The following TSHZ3 variants were observed in gnomAD, a reference collection of about 807,000 sequenced individuals.
The protein encoded by TSHZ3 is teashirt homolog 3.
Under a neutral mutation model 64.5 loss-of-function variants are expected in TSHZ3, and 10 were observed. The observed-to-expected ratio is 0.16, with a 90% confidence interval of 0.10 to 0.26. The LOEUF is 0.26. Among genes scored for constraint, TSHZ3 ranks in the 10% least tolerant of loss-of-function variants. The probability of loss-of-function intolerance (pLI) is 1.00; values close to 1 mark genes in which losing one functional copy is unlikely to be tolerated. For missense variants in TSHZ3, 1,242 were observed against 1,421.7 expected, an observed-to-expected ratio of 0.87 and a Z score of 2.03; for synonymous variants, 608 against 593.1, an observed-to-expected ratio of 1.03 and a Z score of -0.36.
chr19:31,234,069 T>A (rs1168992423), intron 3 of TSHZ3, among the ~76,000 whole-genome samples: 3 of 152,180 alleles, frequency 2.0e-5, no homozygotes, highest in African/African-American at 7.2e-5. Context: ...TCAGTTAATT[T>A]AGCTCTTCCT....
At position 31,279,046 on chromosome 19, in the gene TSHZ3, G is replaced by A. The variant is rs1976309735; in HGVS notation, c.747C>T (p.Asn249=). The A allele has an allele frequency of 6.2e-7, 1 of 1,613,974 alleles. No individual in the cohort carries two copies. Among genetic ancestry groups the A allele is most frequent in the Admixed American group, 1.7e-5 (1 of 60,008 alleles). Residue 249 remains asparagine, a synonymous_variant, in exon 2 of 2, where the codon AAC becomes AAT. Transcript: ENST00000240587. This position sits in a 1 kb window ranked among gnomAD's most constrained non-coding sequence, Gnocchi z 6.4. The part of the protein sequence containing the change: ...YRDDNHETDN[N]NPKRWSKPRK... ...GAGGCTTGGACCAGCGCTTGGGGTT[G>A]TTGTTATCGGTCTCATGGTTGTCGT...
intron 5 of TSHZ3, among the ~76,000 whole-genome samples, chr19:31,185,837 A>G (rs1158683279): frequency 1.3e-5 from 2 of 152,078 alleles, no homozygotes; most frequent in African/African-American, 4.8e-5. Flanking sequence ...CTGCCTTCCC[A>G]CCCATCCAAG....
chr19:31,300,604 G>A (rs1227213407), intron 1 of TSHZ3, among the ~76,000 whole-genome samples: 17 of 152,126 alleles, frequency 1.1e-4, no homozygotes, highest in Non-Finnish European at 7.4e-5. Context: ...CGATGCACTC[G>A]CCGCACCACC....
chr19:31,276,761 G>A lies in TSHZ3; in HGVS notation c.3032C>T (p.Thr1011Ile), dbSNP rs1976242489. ...TGCTATCTGACTGTTAATCTGTTCGGTGGACAGTTTGGATAAGTCCCGTAG... is the reference window on the plus strand; with the variant it reads ...TGCTATCTGACTGTTAATCTGTTCGATGGACAGTTTGGATAAGTCCCGTAG... ...FRLRDLSKLS[T>I]EQINSQIAQT... The change falls in exon 2 of 2, where the codon ACC (threonine) becomes ATC (isoleucine). Residue 1011 changes from threonine to isoleucine, a missense_variant. Transcript: ENST00000240587. 1.9e-6 allele frequency: 3 copies of A among 1,613,700 alleles called. No individual in the cohort carries two copies. Among genetic ancestry groups the A allele is most frequent in the South Asian group, 2.2e-5 (2 of 91,084 alleles).
chr19:31,236,592 C>T (rs888225186), intron 3 of TSHZ3, among the ~76,000 whole-genome samples: 1 of 152,158 alleles, frequency 6.6e-6, no homozygotes, highest in Non-Finnish European at 1.5e-5. Flanking sequence ...TTAGGAGTGT[C>T]CTTTCACTCT....
At chr19:31,192,198 A>G (rs1486957129) in intron 5 of TSHZ3, among the ~76,000 whole-genome samples, 2 of 152,232 alleles carry the variant, frequency 1.3e-5, no homozygotes, top group Non-Finnish European at 2.9e-5. Flanking sequence ...AAATATACAC[A>G]ATTAAACCAA....
chr19:31,250,396 C>T (rs1975821930), intron 1 of TSHZ3, among the ~76,000 whole-genome samples: 3 of 152,300 alleles, frequency 2.0e-5, no homozygotes, highest in Non-Finnish European at 4.4e-5. Context: ...TCAAGTGTGG[C>T]TTTTTGGAAC....
intron 5 of TSHZ3, among the ~76,000 whole-genome samples, chr19:31,171,517 A>C (rs1974534576): frequency 6.6e-6 from 1 of 152,058 alleles, no homozygotes; most frequent in African/African-American, 2.4e-5. Context: ...TAGAAGCCAG[A>C]GAATCAGTTT....
At chr19:31,198,460 T>C (rs1281460351) in intron 5 of TSHZ3, among the ~76,000 whole-genome samples, 1 of 151,884 alleles carries the variant, frequency 6.6e-6, no homozygotes, top group Non-Finnish European at 1.5e-5. Context: ...GAAAAGGAAA[T>C]AAAATATATA....
At chr19:31,194,698 A>G (rs940302313) in intron 5 of TSHZ3, among the ~76,000 whole-genome samples, 1 of 152,234 alleles carries the variant, frequency 6.6e-6, no homozygotes, top group Non-Finnish European at 1.5e-5. Context: ...AAGGCATACT[A>G]AAAAGCAAAA....
chr19:31,285,935 G>C (rs866527356), intron 1 of TSHZ3, among the ~76,000 whole-genome samples: 8 of 152,098 alleles, frequency 5.3e-5, no homozygotes, highest in African/African-American at 1.9e-4. Flanking sequence ...GGACTGTGAG[G>C]GGGAGGAGGT....
intron 5 of TSHZ3, among the ~76,000 whole-genome samples, chr19:31,182,896 TG>T (rs1417848575): frequency 1.3e-5 from 2 of 152,220 alleles, no homozygotes; most frequent in African/African-American, 2.4e-5. Context: ...CACACACATC[TG>T]GATATTGCTG....
At chr19:31,217,160 CTG>C (rs1002804068) in intron 4 of TSHZ3, among the ~76,000 whole-genome samples, 3 of 152,164 alleles carry the variant, frequency 2.0e-5, no homozygotes, top group African/African-American at 7.2e-5. Flanking sequence ...GTGAAAATCT[CTG>C]TGTGCATGGC....
intron 1 of TSHZ3, among the ~76,000 whole-genome samples, chr19:31,307,888 C>T (rs1916345279): frequency 6.6e-6 from 1 of 152,154 alleles, no homozygotes; most frequent in African/African-American, 2.4e-5. Flanking sequence ...CAAAAGATGT[C>T]ATTTGACCTA....
At chr19:31,320,078 G>A (rs943738568) in intron 1 of TSHZ3, among the ~76,000 whole-genome samples, 3 of 152,244 alleles carry the variant, frequency 2.0e-5, no homozygotes, top group East Asian at 1.9e-4. Context: ...ACATTTTCTC[G>A]GGTTACATCT....
intron 1 of TSHZ3, among the ~76,000 whole-genome samples, chr19:31,326,126 A>T (rs1227488578): frequency 6.6e-6 from 1 of 152,238 alleles, no homozygotes; most frequent in Admixed American, 6.5e-5. Flanking sequence ...TTAGACAAAA[A>T]CAGGTACAAC....
At chr19:31,282,915 G>A (rs531447168) in intron 1 of TSHZ3, among the ~76,000 whole-genome samples, 3 of 152,184 alleles carry the variant, frequency 2.0e-5, no homozygotes, top group Admixed American at 1.3e-4. Context: ...GCACACCCTC[G>A]TGGCTGTGAC....
intron 4 of TSHZ3, among the ~76,000 whole-genome samples, chr19:31,205,527 A>AGT (rs1475662684): frequency 1.3e-5 from 2 of 152,128 alleles, no homozygotes; most frequent in Non-Finnish European, 2.9e-5. Flanking sequence ...TTTCACCAAG[A>AGT]GTGTGACCTC....
At chr19:31,213,060 A>C (rs1975279580) in intron 4 of TSHZ3, among the ~76,000 whole-genome samples, 2 of 152,090 alleles carry the variant, frequency 1.3e-5, no homozygotes, top group Non-Finnish European at 2.9e-5. Flanking sequence ...AACTATGGAG[A>C]CAGTAAAAAG....
Sources: gnomAD v4.1 joint callset for allele counts (sites outside exome capture counted in the v4.1 genomes callset) on GRCh38, gnomAD v4.1.1 for gene constraint, Gnocchi (gnomAD v3.1) non-coding constraint, MANE v1.5 for transcripts, NCBI Gene and HGNC (gene_info 2026-07-23, HGNC 2026-07-21) for gene names.